CERS3: variants seen among roughly 807,000 people sequenced by gnomAD.
The protein encoded by CERS3 is LAG1 homolog, ceramide synthase 3.
CERS3 carries 33 observed loss-of-function variants against 50.3 expected under a neutral mutation model. That is an observed-to-expected ratio of 0.66 (90% CI 0.50 to 0.88). The LOEUF (loss-of-function observed/expected upper bound fraction) is 0.88, where lower values mean the gene tolerates loss of function less well. Among genes scored for constraint, CERS3 ranks in the 40% least tolerant of loss-of-function variants. CERS3 has a pLI of 0.00. For missense variants in CERS3, 470 were observed against 460.3 expected, an observed-to-expected ratio of 1.02 and a Z score of -0.19; for synonymous variants, 176 against 155.2, an observed-to-expected ratio of 1.13 and a Z score of -0.99.
chr15:100,527,927 AC>A (rs2036842269), intron 1 of CERS3, among the ~76,000 whole-genome samples: 1 of 152,184 alleles, frequency 6.6e-6, no homozygotes. Flanking sequence ...ATAAATGGAA[AC>A]CCCTTTTAAG....
chr15:100,481,557 G>C (rs138620690), intron 5 of CERS3, among the ~76,000 whole-genome samples: 2 of 152,358 alleles, frequency 1.3e-5, no homozygotes, highest in African/African-American at 4.8e-5. Flanking sequence ...TATTTCCCAA[G>C]CATCTATTGA....
intron 4 of CERS3, among the ~76,000 whole-genome samples, chr15:100,486,188 G>T (rs1306993052): frequency 6.6e-6 from 1 of 152,236 alleles, no homozygotes; most frequent in Admixed American, 6.5e-5. Flanking sequence ...AATAAAGCCT[G>T]CCTGTGGGCC....
chr15:100,442,212 G>T (rs895295926), intron 11 of CERS3, among the ~76,000 whole-genome samples: 1 of 152,066 alleles, frequency 6.6e-6, no homozygotes, highest in African/African-American at 2.4e-5. Flanking sequence ...TTCATGACTC[G>T]TTTGGCAGCA....
intron 3 of CERS3, chr15:100,500,111 A>G: frequency 6.6e-6 from 1 of 152,224 alleles, no homozygotes; most frequent in Non-Finnish European, 1.5e-5. Context: ...CTGGAAAAAA[A>G]CATAAACTTA....
At chr15:100,518,337 GAGA>G (rs1411354127) in intron 2 of CERS3, among the ~76,000 whole-genome samples, 12 of 152,068 alleles carry the variant, frequency 7.9e-5, no homozygotes, top group African/African-American at 7.2e-5. Flanking sequence ...CACAGAGAGA[GAGA>G]AGGACAGAGA....
intron 11 of CERS3, among the ~76,000 whole-genome samples, chr15:100,430,754 C>A (rs2033085967): frequency 6.6e-6 from 1 of 152,192 alleles, no homozygotes; most frequent in Admixed American, 6.5e-5. Context: ...GAACTACTAG[C>A]AAAGTACATT....
At chr15:100,522,045 G>A (rs1030581005) in intron 1 of CERS3, among the ~76,000 whole-genome samples, 4 of 152,158 alleles carry the variant, frequency 2.6e-5, no homozygotes, top group Non-Finnish European at 4.4e-5. Flanking sequence ...TGGAACACAC[G>A]CTTACCAACC....
In CERS3 at chr15:100,420,884, C is replaced by G. The variant is rs1007063092; in HGVS notation, c.1000-18019G>C. Among the ~76,000 whole-genome samples the G allele has an allele frequency of 1.7e-3, 250 of 150,610 alleles. 3 individuals are homozygous for G. The highest frequency in any genetic ancestry group is 2.1e-3 in the African/African-American group (84 of 40,886). On this transcript the variant is annotated intron_variant, in intron 11 of 11. Transcript: ENST00000679737. ...AAAGCCTTTGACAAAATTCAACAAC[C>G]CTTCATGCTAAAAACTCTCAATAAA...
chr15:100,475,277 C>T (rs2035090542), intron 8 of CERS3, among the ~76,000 whole-genome samples: 1 of 152,176 alleles, frequency 6.6e-6, no homozygotes, highest in Admixed American at 6.5e-5. Flanking sequence ...CAGTTGACTG[C>T]AGTGTGTCCC....
chr15:100,443,345 C>T (rs1173186446), intron 11 of CERS3, among the ~76,000 whole-genome samples: 1 of 150,842 alleles, frequency 6.6e-6, no homozygotes, highest in Non-Finnish European at 1.5e-5. Flanking sequence ...ACAGCATGGC[C>T]TTTTAAAGCC....
At chr15:100,500,799 A>G (rs1331057803) in intron 3 of CERS3, among the ~76,000 whole-genome samples, 3 of 152,224 alleles carry the variant, frequency 2.0e-5, no homozygotes, top group Non-Finnish European at 4.4e-5. Context: ...AGAGTTCATG[A>G]AACAGAGTTG....
chr15:100,441,102 C>T (rs1032545147), intron 11 of CERS3, among the ~76,000 whole-genome samples: 2 of 152,138 alleles, frequency 1.3e-5, no homozygotes, highest in South Asian at 4.1e-4. Flanking sequence ...GGAACCCCGA[C>T]CTCTTATCTC....
chr15:100,425,748 GAGA>G (rs2032772332), intron 11 of CERS3, among the ~76,000 whole-genome samples: 1 of 152,136 alleles, frequency 6.6e-6, no homozygotes, highest in Non-Finnish European at 1.5e-5. Flanking sequence ...TTTGCAATGT[GAGA>G]AGGACATGAG....
At chr15:100,429,915 T>C (rs2033025756) in intron 11 of CERS3, among the ~76,000 whole-genome samples, 1 of 152,076 alleles carries the variant, frequency 6.6e-6, no homozygotes, top group African/African-American at 2.4e-5. Context: ...TGTCTACACT[T>C]TTGGCTTTAC....
chr15:100,497,017 G>C (rs2035834993), intron 3 of CERS3, among the ~76,000 whole-genome samples: 1 of 152,068 alleles, frequency 6.6e-6, no homozygotes, highest in South Asian at 2.1e-4. Context: ...AATGTGGAGA[G>C]ATCATAAAAC....
At chr15:100,519,170 A>G (rs1596804046) in intron 2 of CERS3, among the ~76,000 whole-genome samples, 1 of 152,164 alleles carries the variant, frequency 6.6e-6, no homozygotes, top group South Asian at 2.1e-4. Flanking sequence ...AAAAAAAAAA[A>G]AATCCGCCAA....
intron 11 of CERS3, among the ~76,000 whole-genome samples, chr15:100,436,942 CTTT>C (rs755700746): frequency 1.5e-5 from 2 of 129,592 alleles, no homozygotes; most frequent in African/African-American, 2.9e-5. Flanking sequence ...TCTTTCCTGA[CTTT>C]TTTTTTTTTT....
At chr15:100,537,549 G>C (rs920537693) in intron 1 of CERS3, among the ~76,000 whole-genome samples, 4 of 152,176 alleles carry the variant, frequency 2.6e-5, no homozygotes, top group African/African-American at 9.7e-5. Flanking sequence ...CAGCAGAAAG[G>C]AGAAGTGCCA....
chr15:100,527,507 C>T lies in CERS3; in HGVS notation c.-92+1306G>A, dbSNP rs549874781. ...TTCGAGTATTTGAATATTATCATAG[C>T]TTCAGGAATCCCTCCACACAAGGAC... On this transcript the variant is annotated intron_variant, in intron 1 of 11. Transcript: ENST00000679737. Among the ~76,000 whole-genome samples, 34 of 152,276 alleles carry T rather than the reference C, an allele frequency of 2.2e-4. No individual in the cohort carries two copies. The South Asian group carries it at 6.8e-3, about 31-fold the overall frequency.
Sources: gnomAD v4.1 joint callset for allele counts (sites outside exome capture counted in the v4.1 genomes callset) on GRCh38, gnomAD v4.1.1 for gene constraint, MANE v1.5 for transcripts, NCBI Gene and HGNC (gene_info 2026-07-23, HGNC 2026-07-21) for gene names.